The following IMMP2L variants were observed in gnomAD, a reference collection of about 807,000 sequenced individuals.
The protein encoded by IMMP2L is inner mitochondrial membrane peptidase subunit 2.
Under a neutral mutation model 19.3 loss-of-function variants are expected in IMMP2L, and 18 were observed. The ratio of observed to expected loss-of-function variants is 0.93; its 90% CI spans 0.64 to 1.38. The LOEUF (loss-of-function observed/expected upper bound fraction) is 1.38, where lower values mean the gene tolerates loss of function less well. Ranked by LOEUF, IMMP2L falls within the 40% of genes most tolerant of loss-of-function variation. IMMP2L has a pLI of 0.00. For missense variants in IMMP2L, 233 were observed against 218.2 expected (o/e 1.07, Z -0.43); for synonymous variants, 76 against 73.0 (o/e 1.04, Z -0.21).
At chr7:111,432,204 G>A (rs1262453962) in intron 3 of IMMP2L, among the ~76,000 whole-genome samples, 1 of 151,452 alleles carries the variant, frequency 6.6e-6, no homozygotes, top group African/African-American at 2.4e-5. Flanking sequence ...CACCCAGCTG[G>A]TGTCTGCTGC....
chr7:110,855,237 T>C (rs1806642354), intron 5 of IMMP2L, among the ~76,000 whole-genome samples: 1 of 151,972 alleles, frequency 6.6e-6, no homozygotes, highest in African/African-American at 2.4e-5. Context: ...AAACAATTAA[T>C]GGATAATCAA....
At chr7:110,885,683 T>C (rs1810150401) in intron 5 of IMMP2L, among the ~76,000 whole-genome samples, 1 of 152,040 alleles carries the variant, frequency 6.6e-6, no homozygotes, top group African/African-American at 2.4e-5. Flanking sequence ...CTCCAAAATA[T>C]GCCACTTTGA....
chr7:111,112,888 CTT>C, intron 3 of IMMP2L, among the ~76,000 whole-genome samples: 1 of 152,254 alleles, frequency 6.6e-6, no homozygotes, highest in East Asian at 1.9e-4. Flanking sequence ...AATTTAGTCT[CTT>C]GTTTATTGCA....
At chr7:111,070,297 C>T (rs868103461) in intron 3 of IMMP2L, among the ~76,000 whole-genome samples, 26 of 152,166 alleles carry the variant, frequency 1.7e-4, no homozygotes, top group Middle Eastern at 3.2e-3. Flanking sequence ...TATCAGCAGT[C>T]TAACATGCTG....
chr7:110,821,298 C>T (rs1009230019), intron 5 of IMMP2L, among the ~76,000 whole-genome samples: 20 of 152,104 alleles, frequency 1.3e-4, no homozygotes, highest in Non-Finnish European at 2.2e-4. Context: ...CTAACCATTA[C>T]ACAGCACTAC....
intron 4 of IMMP2L, among the ~76,000 whole-genome samples, chr7:110,949,216 A>G (rs964617705): frequency 2.0e-5 from 3 of 152,148 alleles, no homozygotes; most frequent in African/African-American, 7.2e-5. Context: ...CATCATATAT[A>G]TGTATTGGTT....
chr7:111,497,905 A>C (rs1208564964), intron 2 of IMMP2L, among the ~76,000 whole-genome samples: 1 of 151,614 alleles, frequency 6.6e-6, no homozygotes. Flanking sequence ...GTATTATATA[A>C]TAATATATTT....
intron 3 of IMMP2L, among the ~76,000 whole-genome samples, chr7:111,088,102 G>C (rs1796513920): frequency 6.6e-6 from 1 of 152,014 alleles, no homozygotes; most frequent in Admixed American, 6.5e-5. Flanking sequence ...TCTACCGACT[G>C]TCCAGGCTAC....
At chr7:111,521,691 T>C (rs1445042670) in intron 1 of IMMP2L, among the ~76,000 whole-genome samples, 2 of 152,062 alleles carry the variant, frequency 1.3e-5, no homozygotes, top group Admixed American at 1.3e-4. Context: ...CAGTGGGAAA[T>C]TTCTCCCCAC....
intron 3 of IMMP2L, among the ~76,000 whole-genome samples, chr7:111,412,179 A>C (rs1834493202): frequency 6.6e-6 from 1 of 151,782 alleles, no homozygotes; most frequent in Non-Finnish European, 1.5e-5. Flanking sequence ...AAAAACTAGA[A>C]CTGAAAGGAA....
chr7:111,454,250 GC>G (rs1241526288), intron 3 of IMMP2L, among the ~76,000 whole-genome samples: 2 of 152,062 alleles, frequency 1.3e-5, no homozygotes, highest in African/African-American at 4.8e-5. Context: ...CTCCATCTCT[GC>G]CTCCAGAATA....
At chr7:111,436,258 C>T (rs1837156054) in intron 3 of IMMP2L, among the ~76,000 whole-genome samples, 1 of 151,508 alleles carries the variant, frequency 6.6e-6, no homozygotes, top group Non-Finnish European at 1.5e-5. Context: ...CCACTTGGCC[C>T]TCTATTTAAA....
intron 3 of IMMP2L, among the ~76,000 whole-genome samples, chr7:111,259,226 A>T (rs935361224): frequency 1.3e-5 from 2 of 152,272 alleles, no homozygotes; most frequent in Admixed American, 1.3e-4. Context: ...GCTCTGGGTC[A>T]ATCAGTGAGT....
At chr7:111,124,152 T>C (rs143921651) in intron 3 of IMMP2L, 6 of 1,613,904 alleles carry the variant, frequency 3.7e-6, no homozygotes, top group South Asian at 2.2e-5. Context: ...TAACACCTTC[T>C]GGTCAAAAAC....
intron 4 of IMMP2L, chr7:110,962,995 AAC>A: frequency 1.3e-6 from 2 of 1,494,632 alleles, no homozygotes; most frequent in Non-Finnish European, 1.8e-6. Flanking sequence ...AGGCTGCTTA[AAC>A]ACCTGATTGT....
chr7:111,444,212 T>C (rs1218718696), intron 3 of IMMP2L, among the ~76,000 whole-genome samples: 4 of 152,186 alleles, frequency 2.6e-5, no homozygotes, highest in African/African-American at 9.7e-5. Context: ...ATATTGTGCA[T>C]ATTCATGTAT....
chr7:111,132,224 A>T (rs1398421552), intron 3 of IMMP2L, among the ~76,000 whole-genome samples: 1 of 152,032 alleles, frequency 6.6e-6, no homozygotes, highest in Non-Finnish European at 1.5e-5. Context: ...AGGAATATAC[A>T]TGAAGTTCCA....
chr7:110,920,712 A>G (rs1188954523), intron 4 of IMMP2L, among the ~76,000 whole-genome samples: 1 of 152,170 alleles, frequency 6.6e-6, no homozygotes, highest in Admixed American at 6.6e-5. Context: ...ACTATGGGGT[A>G]TGTCCCAATA....
At chr7:111,230,902 T>C (rs1413635699) in intron 3 of IMMP2L, among the ~76,000 whole-genome samples, 1 of 151,960 alleles carries the variant, frequency 6.6e-6, no homozygotes, top group Admixed American at 6.6e-5. Flanking sequence ...AAAAACTTCT[T>C]TGAAGAAGAA....
Sources: gnomAD v4.1 joint callset for allele counts (sites outside exome capture counted in the v4.1 genomes callset) on GRCh38, gnomAD v4.1.1 for gene constraint, MANE v1.5 for transcripts, NCBI Gene and HGNC (gene_info 2026-07-23, HGNC 2026-07-21) for gene names.